The following CCDC63 variants were observed in gnomAD, a reference collection of about 807,000 sequenced individuals.
CCDC63 encodes the protein coiled-coil domain-containing protein 63.
Under a neutral mutation model 63.6 loss-of-function variants are expected in CCDC63, and 54 were observed. That is an observed-to-expected ratio of 0.85 (90% CI 0.68 to 1.07). The LOEUF is 1.07. Ranked by LOEUF, CCDC63 falls within the 50% of genes least tolerant of loss-of-function variation. The pLI, the probability that CCDC63 is intolerant of heterozygous loss-of-function variation, is 0.00. For synonymous variants in CCDC63, 253 were observed against 266.1 expected, an observed-to-expected ratio of 0.95 and a Z score of 0.48; for missense variants, 637 against 689.6, an observed-to-expected ratio of 0.92 and a Z score of 0.86.
chr12:110,858,886 T>G (rs2070814695), intron 4 of CCDC63, 111 bp downstream of exon 4: 2 of 850,688 alleles, frequency 2.4e-6, no homozygotes, highest in Non-Finnish European at 3.7e-6. Flanking sequence ...TCACAGTATC[T>G]CCTCTGGACA....
At chr12:110,894,283 C>T (rs1274980454) in intron 9 of CCDC63, among the ~76,000 whole-genome samples, 1 of 152,204 alleles carries the variant, frequency 6.6e-6, no homozygotes, top group Non-Finnish European at 1.5e-5. Flanking sequence ...CCAATGACTT[C>T]TGTATTTAAA....
At chr12:110,893,199 C>A in intron 9 of CCDC63, 49 bp downstream of exon 9, 1 of 1,482,490 alleles carries the variant, frequency 6.7e-7, no homozygotes, top group Non-Finnish European at 9.4e-7. Flanking sequence ...TGTTGTCTGT[C>A]TCTGTGTCTG....
chr12:110,875,845 A>C (rs1593667696), intron 5 of CCDC63, among the ~76,000 whole-genome samples: 1 of 152,196 alleles, frequency 6.6e-6, no homozygotes, highest in Admixed American at 6.5e-5. Flanking sequence ...TAATCCCAGC[A>C]CTTTGGGAGG....
At chr12:110,899,496 T>C (rs1467944528) in intron 10 of CCDC63, among the ~76,000 whole-genome samples, 2 of 152,002 alleles carry the variant, frequency 1.3e-5, no homozygotes, top group Admixed American at 1.3e-4. Context: ...TTTTTTGTAT[T>C]TTTTGTAGAG....
intron 3 of CCDC63, among the ~76,000 whole-genome samples, chr12:110,856,865 G>A (rs1354476087): frequency 1.9e-5 from 1 of 53,864 alleles, no homozygotes; most frequent in Non-Finnish European, 3.8e-5. Flanking sequence ...TTTTTTTTTT[G>A]AGACAGGGTC....
chr12:110,854,334 CCAACCTG>C (rs1043179113), intron 3 of CCDC63, among the ~76,000 whole-genome samples: 4 of 136,360 alleles, frequency 2.9e-5, no homozygotes, highest in Non-Finnish European at 6.1e-5. Flanking sequence ...CTGTTGTCGC[CCAACCTG>C]GAGTTGGCAA....
At chr12:110,851,007 C>CT (rs2070698712) in intron 1 of CCDC63, among the ~76,000 whole-genome samples, 1 of 152,140 alleles carries the variant, frequency 6.6e-6, no homozygotes, top group Non-Finnish European at 1.5e-5. Context: ...TTTGTGGAGC[C>CT]TTTTTTACTA....
Position 110,899,016 on chromosome 12 carries a change from G to A in CCDC63, c.1233G>A (p.Lys411=). The A allele has an allele frequency of 6.2e-7, 1 of 1,613,802 alleles. No homozygotes were observed. The part of the protein sequence containing the change: ...GEVSKTLDLL[K]NSVEKLFKKI... ...TCAGCAAGACCTTGGATCTATTGAA[G>A]AACTCAGTGGAGAAACTGTTCAAGA... Residue 411 remains lysine, a synonymous_variant, in exon 10 of 12, where the codon AAG becomes AAA. Coordinates refer to ENST00000308208, the MANE Select transcript of CCDC63 (RefSeq NM_152591.3).
chr12:110,862,728 G>A (rs968749554), intron 4 of CCDC63, among the ~76,000 whole-genome samples: 1 of 151,500 alleles, frequency 6.6e-6, no homozygotes, highest in Non-Finnish European at 1.5e-5. Flanking sequence ...AAACAAATTG[G>A]TTGTTTTCTT....
chr12:110,885,306 T>TCA (rs1265995320), intron 8 of CCDC63, among the ~76,000 whole-genome samples: 8 of 152,354 alleles, frequency 5.3e-5, no homozygotes, highest in Non-Finnish European at 7.3e-5. Flanking sequence ...CATTCTCATC[T>TCA]TGGCGAGACT....
At chr12:110,863,525 A>C (rs2070891892) in intron 4 of CCDC63, among the ~76,000 whole-genome samples, 1 of 151,106 alleles carries the variant, frequency 6.6e-6, no homozygotes, top group Admixed American at 6.7e-5. Flanking sequence ...CTGACTGGAA[A>C]TAGGCTGTCC....
intron 8 of CCDC63, among the ~76,000 whole-genome samples, chr12:110,887,993 G>A (rs2071306098): frequency 6.6e-6 from 1 of 152,144 alleles, no homozygotes; most frequent in Non-Finnish European, 1.5e-5. Context: ...CCACATGAAA[G>A]TCTGAATTTC....
At chr12:110,892,989 C>A in intron 8 of CCDC63, 87 bp from the exon 9 acceptor site, 2 of 1,020,192 alleles carry the variant, frequency 2.0e-6, no homozygotes, top group South Asian at 1.4e-5. Context: ...AAATCCTCAT[C>A]GACTCTTTGA....
At chr12:110,873,193 G>A (rs955001375) in intron 4 of CCDC63, among the ~76,000 whole-genome samples, 4 of 152,114 alleles carry the variant, frequency 2.6e-5, no homozygotes, top group Non-Finnish European at 5.9e-5. Context: ...CCAAGATCGC[G>A]CCACAGCACT....
At chr12:110,858,900 C>G (rs1438273044) in intron 4 of CCDC63, 125 bp downstream of exon 4, 2 of 744,716 alleles carry the variant, frequency 2.7e-6, no homozygotes, top group African/African-American at 3.5e-5. Context: ...CTGGACAGCC[C>G]GCTAAATGTG....
At chr12:110,866,973 C>T (rs1373292243) in intron 4 of CCDC63, among the ~76,000 whole-genome samples, 8 of 137,262 alleles carry the variant, frequency 5.8e-5, no homozygotes, top group South Asian at 2.4e-4. Context: ...CCCTCCCGGA[C>T]GGGGCGGCTG....
At chr12:110,903,459 G>C (rs899283370) in intron 10 of CCDC63, among the ~76,000 whole-genome samples, 1 of 152,238 alleles carries the variant, frequency 6.6e-6, no homozygotes, top group East Asian at 1.9e-4. Context: ...TGGTTCAATT[G>C]TTGAACTTGG....
At chr12:110,847,615 TAAAAAAC>T (rs950889967) in intron 1 of CCDC63, among the ~76,000 whole-genome samples, 3 of 151,440 alleles carry the variant, frequency 2.0e-5, no homozygotes, top group African/African-American at 4.8e-5. Context: ...TAATAATCCT[TAAAAAAC>T]AAAAAACAAA....
chr12:110,892,006 C>A (rs78988925), intron 8 of CCDC63, among the ~76,000 whole-genome samples: 351 of 152,298 alleles, frequency 2.3e-3, no homozygotes, highest in African/African-American at 8.3e-3. Flanking sequence ...CAAAGCTGGT[C>A]CCTGGGACAG....
Sources: gnomAD v4.1 joint callset for allele counts (sites outside exome capture counted in the v4.1 genomes callset) on GRCh38, gnomAD v4.1.1 for gene constraint, MANE v1.5 for transcripts, NCBI Gene and HGNC (gene_info 2026-07-23, HGNC 2026-07-21) for gene names.